LUZP2: variants seen among roughly 807,000 people sequenced by gnomAD.
The protein encoded by LUZP2 is leucine zipper protein 2.
LUZP2 carries 52 observed loss-of-function variants against 51.6 expected under a neutral mutation model. The ratio of observed to expected loss-of-function variants is 1.01; its 90% CI spans 0.81 to 1.27. The LOEUF (loss-of-function observed/expected upper bound fraction) is 1.27, where lower values mean the gene tolerates loss of function less well. Among genes scored for constraint, LUZP2 ranks in the 50% most tolerant of loss-of-function variants. LUZP2 has a pLI of 0.00. For synonymous variants in LUZP2, 154 were observed against 137.3 expected, an observed-to-expected ratio of 1.12 and a Z score of -0.85; for missense variants, 436 against 395.4, an observed-to-expected ratio of 1.10 and a Z score of -0.87.
At chr11:24,768,748 G>A (rs556515593) in intron 5 of LUZP2, among the ~76,000 whole-genome samples, 1 of 136,762 alleles carries the variant, frequency 7.3e-6, no homozygotes, top group South Asian at 2.6e-4. Flanking sequence ...AAAAAGAGAA[G>A]TAAGGAATGC....
intron 1 of LUZP2, among the ~76,000 whole-genome samples, chr11:24,726,676 G>A (rs569358229): frequency 3.6e-4 from 55 of 152,012 alleles, no homozygotes; most frequent in African/African-American, 1.3e-3. Context: ...TGGAAACACC[G>A]TAAATTATCA....
chr11:24,881,571 A>G (rs1459222294), intron 5 of LUZP2, among the ~76,000 whole-genome samples: 2 of 152,090 alleles, frequency 1.3e-5, no homozygotes, highest in African/African-American at 4.8e-5. Flanking sequence ...TGATTACTCA[A>G]ATATTCAGAG....
At chr11:24,624,392 A>G (rs1854607334) in intron 1 of LUZP2, among the ~76,000 whole-genome samples, 3 of 152,170 alleles carry the variant, frequency 2.0e-5, no homozygotes, top group Non-Finnish European at 4.4e-5. Flanking sequence ...TTATTACAAT[A>G]AAATGAAATA....
chr11:24,635,644 T>G (rs561076235), intron 1 of LUZP2, among the ~76,000 whole-genome samples: 1 of 152,278 alleles, frequency 6.6e-6, no homozygotes, highest in South Asian at 2.1e-4. Context: ...TCTCACTGTC[T>G]TCTATAAAAC....
chr11:24,801,015 A>G (rs775335702), intron 5 of LUZP2, among the ~76,000 whole-genome samples: 1 of 152,154 alleles, frequency 6.6e-6, no homozygotes, highest in African/African-American at 2.4e-5. Context: ...ATTTCACGTT[A>G]CATCATGAAG....
intron 5 of LUZP2, among the ~76,000 whole-genome samples, chr11:24,775,038 A>G (rs1296708589): frequency 1.3e-5 from 2 of 151,596 alleles, no homozygotes; most frequent in Admixed American, 6.6e-5. Context: ...ATACAATAAT[A>G]ATTTCTAAAA....
chr11:24,852,776 T>C (rs1851436374), intron 5 of LUZP2, among the ~76,000 whole-genome samples: 2 of 152,160 alleles, frequency 1.3e-5, no homozygotes, highest in South Asian at 4.1e-4. Context: ...TGCATATATA[T>C]TTAGGATAGT....
At chr11:24,904,342 C>G (rs891301448) in intron 5 of LUZP2, among the ~76,000 whole-genome samples, 4 of 151,814 alleles carry the variant, frequency 2.6e-5, no homozygotes, top group Admixed American at 6.6e-5. Flanking sequence ...GAGTGCAGTG[C>G]CGTGATCTCG....
intron 7 of LUZP2, among the ~76,000 whole-genome samples, chr11:24,955,655 A>AG (rs1223189476): frequency 6.6e-6 from 1 of 152,036 alleles, no homozygotes; most frequent in Non-Finnish European, 1.5e-5. Context: ...TGGCTTGTTC[A>AG]GGGGGATTTG....
intron 9 of LUZP2, among the ~76,000 whole-genome samples, chr11:25,005,682 T>G (rs1856812800): frequency 1.3e-5 from 2 of 152,138 alleles, no homozygotes; most frequent in Admixed American, 6.5e-5. Flanking sequence ...TTGGAATAGT[T>G]GTGCTCACCG....
At chr11:24,608,096 A>G (rs1590236519) in intron 1 of LUZP2, among the ~76,000 whole-genome samples, 1 of 151,902 alleles carries the variant, frequency 6.6e-6, no homozygotes, top group African/African-American at 2.4e-5. Flanking sequence ...TGATCCGCCC[A>G]CCTCGGCCTC....
At chr11:25,055,713 A>G (rs190288373) in intron 10 of LUZP2, among the ~76,000 whole-genome samples, 2 of 152,296 alleles carry the variant, frequency 1.3e-5, no homozygotes, top group Admixed American at 6.5e-5. Context: ...AGGTTCAACA[A>G]TGACGAATGG....
chr11:24,890,463 A>G (rs1852812187), intron 5 of LUZP2, among the ~76,000 whole-genome samples: 2 of 152,338 alleles, frequency 1.3e-5, no homozygotes, highest in South Asian at 4.1e-4. Context: ...TGGAATCACC[A>G]TTTAAAACTA....
chr11:24,735,096 G>A (rs1858882385), intron 3 of LUZP2, among the ~76,000 whole-genome samples: 1 of 151,996 alleles, frequency 6.6e-6, no homozygotes, highest in Non-Finnish European at 1.5e-5. Context: ...GAGCTAGGCT[G>A]TAAGTAAATT....
chr11:24,631,065 T>A (rs553390915), intron 1 of LUZP2, among the ~76,000 whole-genome samples: 1 of 152,054 alleles, frequency 6.6e-6, no homozygotes, highest in Non-Finnish European at 1.5e-5. Flanking sequence ...TTTTATCAAA[T>A]TCATTTATTA....
At chr11:24,637,450 C>G (rs1855142692) in intron 1 of LUZP2, among the ~76,000 whole-genome samples, 1 of 151,724 alleles carries the variant, frequency 6.6e-6, no homozygotes, top group Admixed American at 6.6e-5. Flanking sequence ...CAGCTATTTT[C>G]AGAGAACAAG....
chr11:24,866,282 T>C (rs750493271), intron 5 of LUZP2, among the ~76,000 whole-genome samples: 1 of 152,208 alleles, frequency 6.6e-6, no homozygotes, highest in African/African-American at 2.4e-5. Flanking sequence ...ATAGTATCTA[T>C]GAGTATGGCT....
chr11:24,824,392 A>AAAAAAAAAAAAAAAAAAAAAG (rs1289196555), intron 5 of LUZP2, among the ~76,000 whole-genome samples: 1 of 149,062 alleles, frequency 6.7e-6, no homozygotes, highest in Non-Finnish European at 1.5e-5. Context: ...AAAAAAAAAA[A>AAAAAAAAAAAAAAAAAAAAAG]ATGAGTGGTA....
At chr11:24,990,832 C>T (rs1311219436) in intron 9 of LUZP2, among the ~76,000 whole-genome samples, 1 of 151,896 alleles carries the variant, frequency 6.6e-6, no homozygotes, top group East Asian at 1.9e-4. Context: ...TTTTAACCCC[C>T]ACCCAACAAC....
Sources: gnomAD v4.1 joint callset for allele counts (sites outside exome capture counted in the v4.1 genomes callset) on GRCh38, gnomAD v4.1.1 for gene constraint, MANE v1.5 for transcripts, NCBI Gene and HGNC (gene_info 2026-07-23, HGNC 2026-07-21) for gene names.